The following PRKG1 variants were observed in gnomAD, a reference collection of about 807,000 sequenced individuals.
PRKG1 encodes protein kinase cGMP-dependent 1, also known as cGMP-dependent protein kinase 1.
A neutral mutation model predicts 88.1 loss-of-function variants in PRKG1; 35 were observed. That is an observed-to-expected ratio of 0.40 (90% CI 0.30 to 0.53). The LOEUF (loss-of-function observed/expected upper bound fraction) is 0.53. Among genes scored for constraint, PRKG1 ranks in the 20% least tolerant of loss-of-function variants. The pLI, the probability that PRKG1 is intolerant of heterozygous loss-of-function variation, is 0.59. For missense variants in PRKG1, 540 were observed against 839.8 expected (o/e 0.64, Z 4.41); for synonymous variants, 303 against 292.5 (o/e 1.04, Z -0.37).
chr10:52,273,425 G>T (rs1377998106), intron 12 of PRKG1, among the ~76,000 whole-genome samples: 1 of 151,960 alleles, frequency 6.6e-6, no homozygotes, highest in East Asian at 1.9e-4. Flanking sequence ...GCATCCTTCT[G>T]AAACTTAGCT....
At chr10:51,420,012 A>T (rs1349517908) in intron 2 of PRKG1, among the ~76,000 whole-genome samples, 1 of 152,138 alleles carries the variant, frequency 6.6e-6, no homozygotes, top group East Asian at 1.9e-4. Context: ...AGAAAATGAA[A>T]GGCTCCTCTT....
chr10:51,339,717 T>C, intron 2 of PRKG1, among the ~76,000 whole-genome samples: 1 of 152,096 alleles, frequency 6.6e-6, no homozygotes, highest in South Asian at 2.1e-4. Context: ...CATCTTTGCA[T>C]GTAATTAAAC....
chr10:51,318,220 T>C (rs180873607), intron 2 of PRKG1, among the ~76,000 whole-genome samples: 1 of 152,266 alleles, frequency 6.6e-6, no homozygotes, highest in Non-Finnish European at 1.5e-5. Context: ...AATATGGAAA[T>C]TTATGTTTCT....
chr10:51,990,478 C>T (rs924891303), intron 5 of PRKG1, among the ~76,000 whole-genome samples: 3 of 151,886 alleles, frequency 2.0e-5, no homozygotes, highest in Admixed American at 6.6e-5. Context: ...TATTTCTTTA[C>T]TTTTTTTGTA....
intron 1 of PRKG1, among the ~76,000 whole-genome samples, chr10:51,131,677 C>T (rs573543099): frequency 8.5e-5 from 13 of 152,312 alleles, no homozygotes; most frequent in African/African-American, 3.1e-4. Context: ...TGTGCACAAG[C>T]ATTGCAACAT....
In PRKG1 at chr10:51,601,844, GA is replaced by G. The variant is rs34506636; in HGVS notation, c.592+134010del. 1.7e-3 allele frequency among the ~76,000 whole-genome samples: 244 copies of G among 139,568 alleles called. 2 individuals are homozygous for G. Among genetic ancestry groups the G allele is most frequent in the South Asian group, 7.6e-3 (33 of 4,370 alleles). The allele number at this position is 139,568 out of a possible 152,430, so 91.6% of individuals were successfully genotyped here. On this transcript the variant is annotated intron_variant, in intron 3 of 17. Coordinates refer to ENST00000373980, the MANE Select transcript of PRKG1 (RefSeq NM_006258.4). ...TGATCTGGAAATCAGAGAAATAAGG[GA>G]AGCATGTTATAACTTGAGTGGATTC...
chr10:51,299,959 C>T (rs1840836592), intron 2 of PRKG1, among the ~76,000 whole-genome samples: 1 of 152,126 alleles, frequency 6.6e-6, no homozygotes, highest in Admixed American at 6.6e-5. Flanking sequence ...TTCTGCTCAA[C>T]CTAACATTTC....
At chr10:51,666,952 G>T (rs945000027) in intron 3 of PRKG1, among the ~76,000 whole-genome samples, 4 of 151,846 alleles carry the variant, frequency 2.6e-5, no homozygotes, top group Non-Finnish European at 5.9e-5. Context: ...CTACCACTAA[G>T]CCTGGCTAAT....
chr10:51,786,234 G>A (rs1838724536), intron 3 of PRKG1, among the ~76,000 whole-genome samples: 1 of 152,148 alleles, frequency 6.6e-6, no homozygotes, highest in African/African-American at 2.4e-5. Context: ...ACATTTGGCA[G>A]TAGAGCAATC....
chr10:51,063,516 A>G (rs1843714997), intron 1 of PRKG1, among the ~76,000 whole-genome samples: 1 of 152,206 alleles, frequency 6.6e-6, no homozygotes, highest in Admixed American at 6.5e-5. Context: ...ATGGTATAAA[A>G]GATAAAAAAG....
intron 3 of PRKG1, among the ~76,000 whole-genome samples, chr10:51,583,620 T>G (rs1251750473): frequency 2.0e-5 from 3 of 152,110 alleles, no homozygotes; most frequent in Non-Finnish European, 2.9e-5. Context: ...TAGAATATAG[T>G]GCAGAGAGTA....
intron 2 of PRKG1, among the ~76,000 whole-genome samples, chr10:51,404,204 A>G (rs1369789165): frequency 2.6e-5 from 4 of 152,352 alleles, no homozygotes; most frequent in Non-Finnish European, 4.4e-5. Context: ...AGTTAGCGTC[A>G]TTGTGTCTAA....
At chr10:51,376,009 T>C (rs1842809610) in intron 2 of PRKG1, among the ~76,000 whole-genome samples, 1 of 152,202 alleles carries the variant, frequency 6.6e-6, no homozygotes, top group Admixed American at 6.5e-5. Flanking sequence ...AAAACACTAC[T>C]CTGTAGAAAT....
At chr10:51,688,184 A>G (rs1841042788) in intron 3 of PRKG1, among the ~76,000 whole-genome samples, 1 of 151,912 alleles carries the variant, frequency 6.6e-6, no homozygotes, top group South Asian at 2.1e-4. Flanking sequence ...ATTTATTTGC[A>G]TGTGGATCCT....
chr10:51,988,044 C>T (rs930373612), intron 5 of PRKG1, among the ~76,000 whole-genome samples: 13 of 152,000 alleles, frequency 8.6e-5, no homozygotes, highest in Non-Finnish European at 1.9e-4. Flanking sequence ...TCAAATCTCT[C>T]TTTTGCCTTA....
intron 5 of PRKG1, among the ~76,000 whole-genome samples, chr10:51,977,344 C>T (rs1049234425): frequency 1.3e-5 from 2 of 151,990 alleles, no homozygotes; most frequent in Non-Finnish European, 2.9e-5. Context: ...TGTATACGTA[C>T]CACCTTTTCT....
At chr10:52,172,555 G>A (rs1259156959) in intron 9 of PRKG1, among the ~76,000 whole-genome samples, 1 of 152,086 alleles carries the variant, frequency 6.6e-6, no homozygotes, top group South Asian at 2.1e-4. Context: ...CTTTTTAAAA[G>A]CAGAAAAGAA....
chr10:51,197,961 C>A (rs7897633), intron 2 of PRKG1, among the ~76,000 whole-genome samples: 95,659 of 151,516 alleles, frequency 0.63, 31,448 homozygotes, highest in African/African-American at 0.84. Flanking sequence ...AAAGCCCAAG[C>A]TGCTTTAAGG....
At position 50,991,320 on chromosome 10, in the gene PRKG1, G is replaced by GCCGT; in HGVS notation, c.-56_-55insTCCG. The GCCGT allele has an allele frequency of 7.4e-7, 1 of 1,344,052 alleles. No homozygotes were observed. The highest frequency in any genetic ancestry group is 3.0e-5 in the East Asian group (1 of 33,438). The allele number at this position is 1,344,052 out of a possible 1,614,324, so 83.3% of individuals were successfully genotyped here. Reference sequence around the variant, plus strand: ...GCCGGCTGCCGTCCCAGCCGCCGCCGCCGCCGCCGCCGCCGCCGCCGCCCG... The same window carrying GCCGT: ...GCCGGCTGCCGTCCCAGCCGCCGCCGCCGTCCGCCGCCGCCGCCGCCGCCGCCCG... On this transcript the variant is annotated 5_prime_UTR_variant, in exon 1 of 18. Coordinates refer to the PRKG1 transcript ENST00000401604. This position sits in a 1 kb window ranked among gnomAD's most constrained non-coding sequence, Gnocchi z 4.5.
Sources: allele counts gnomAD v4.1 joint callset (sites outside exome capture counted in the v4.1 genomes callset), GRCh38; gene constraint gnomAD v4.1.1; non-coding constraint Gnocchi (gnomAD v3.1); transcripts MANE v1.5; gene names NCBI Gene and HGNC (gene_info 2026-07-23, HGNC 2026-07-21).